CLYBL: variants seen among roughly 807,000 people sequenced by gnomAD.
CLYBL encodes the protein citramalyl-CoA lyase, mitochondrial.
In CLYBL, 31 loss-of-function variants were observed where a neutral mutation model predicts 38.9. That is an observed-to-expected ratio of 0.80 (90% confidence interval 0.60 to 1.08). CLYBL has a LOEUF of 1.08. Among genes scored for constraint, CLYBL ranks in the 50% least tolerant of loss-of-function variants. The probability of loss-of-function intolerance (pLI) is 0.00; values close to 1 mark genes in which losing one functional copy is unlikely to be tolerated. For synonymous variants in CLYBL, 171 were observed against 158.6 expected, an observed-to-expected ratio of 1.08 and a Z score of -0.59; for missense variants, 434 against 411.6, an observed-to-expected ratio of 1.05 and a Z score of -0.47.
intron 1 of CLYBL, among the ~76,000 whole-genome samples, chr13:99,715,056 C>G (rs1157524110): frequency 1.3e-5 from 2 of 152,174 alleles, no homozygotes; most frequent in Admixed American, 1.3e-4. Context: ...TGGGGGCCCA[C>G]CAGCTTCACC....
At chr13:99,675,020 G>T (rs1327744744) in intron 1 of CLYBL, among the ~76,000 whole-genome samples, 1 of 152,146 alleles carries the variant, frequency 6.6e-6, no homozygotes, top group African/African-American at 2.4e-5. Context: ...ATTCCAGTCT[G>T]GGCAACATAG....
intron 1 of CLYBL, among the ~76,000 whole-genome samples, chr13:99,765,785 T>TCCAC (rs927034064): frequency 1.3e-5 from 2 of 151,738 alleles, no homozygotes; most frequent in African/African-American, 4.8e-5. Flanking sequence ...GTTCAAGCAA[T>TCCAC]CCACCCGCCT....
chr13:99,614,344 A>G (rs562319627), intron 1 of CLYBL, among the ~76,000 whole-genome samples: 1 of 152,276 alleles, frequency 6.6e-6, no homozygotes, highest in South Asian at 2.1e-4. Context: ...GAGAAAAGAA[A>G]GAAGGAGACC....
exon 10 of CLYBL, among the ~76,000 whole-genome samples, chr13:99,909,050 C>T (rs2152140446): frequency 6.6e-6 from 1 of 152,322 alleles, no homozygotes; most frequent in Middle Eastern, 3.4e-3. Context: ...TCATGTCCAG[C>T]TCTTCCTTTA....
At chr13:99,761,689 T>C (rs2049168944) in intron 1 of CLYBL, among the ~76,000 whole-genome samples, 1 of 152,252 alleles carries the variant, frequency 6.6e-6, no homozygotes, top group Non-Finnish European at 1.5e-5. Context: ...TACTGAGTAG[T>C]AGAATTGCTG....
At chr13:99,653,750 T>C (rs894314061) in intron 1 of CLYBL, among the ~76,000 whole-genome samples, 1 of 152,226 alleles carries the variant, frequency 6.6e-6, no homozygotes. Flanking sequence ...CCCAGGACGC[T>C]GACAGTGTGG....
intron 1 of CLYBL, among the ~76,000 whole-genome samples, chr13:99,749,353 T>C (rs1007639340): frequency 6.6e-6 from 1 of 152,186 alleles, no homozygotes; most frequent in Non-Finnish European, 1.5e-5. Flanking sequence ...TTTTCTTGAC[T>C]CTTGCCAAGC....
At chr13:99,606,814 C>T (rs1344884454) in intron 1 of CLYBL, 57 bp downstream of exon 1, 3 of 1,321,128 alleles carry the variant, frequency 2.3e-6, no homozygotes, top group African/African-American at 1.5e-5. Context: ...GGGTCGGCTC[C>T]TGTTGCAGCC....
At chr13:99,745,724 G>A (rs563611234) in intron 1 of CLYBL, among the ~76,000 whole-genome samples, 3 of 152,218 alleles carry the variant, frequency 2.0e-5, no homozygotes, top group East Asian at 3.9e-4. Flanking sequence ...CACGTGATTC[G>A]TGATCACAGC....
intron 2 of CLYBL, among the ~76,000 whole-genome samples, chr13:99,794,888 A>G (rs937341305): frequency 1.3e-5 from 2 of 152,142 alleles, no homozygotes; most frequent in African/African-American, 4.8e-5. Flanking sequence ...CACCACACCC[A>G]GGCTAAATAC....
At chr13:99,873,394 G>T (rs2051958942) in intron 7 of CLYBL, among the ~76,000 whole-genome samples, 1 of 152,158 alleles carries the variant, frequency 6.6e-6, no homozygotes, top group African/African-American at 2.4e-5. Flanking sequence ...TATGTCAAAT[G>T]TGAATCACTG....
Position 99,865,119 on chromosome 13 carries a change from ATTAC to A in CLYBL, c.634+211_634+214del. On this transcript the variant is annotated intron_variant, in intron 5 of 8. Transcript: ENST00000339105. The surrounding 1 kb of genome is among the most constrained non-coding windows in gnomAD (Gnocchi z 4.7). ...TGCCCTGCTTCTAGAGCACTGCATT[ATTAC>A]TTCTGTTCATTTATAAAAGACACGA... 3.4e-6 allele frequency: 2 copies of A among 588,770 alleles called. No homozygotes were observed. The highest frequency in any genetic ancestry group is 3.2e-5 in the South Asian group (2 of 62,436). 36.5% of individuals were successfully genotyped at this position (588,770 alleles called of 1,614,324 possible). A position where few individuals can be genotyped will look rare whatever the true frequency, so the allele number is the denominator to read the frequency against.
rs1336113759 is a variant in CLYBL, at chr13:99,849,356, A to G, written c.250-9505A>G. On this transcript the variant is annotated intron_variant, in intron 2 of 8. Transcript: ENST00000339105. This position sits in a 1 kb window ranked among gnomAD's most constrained non-coding sequence, Gnocchi z 4.9. Reference sequence around the variant, plus strand: ...GTGAGACACTGTATCTACAAAAAATACAAATAATTATCTGGGTATGGTGGT... The same window carrying G: ...GTGAGACACTGTATCTACAAAAAATGCAAATAATTATCTGGGTATGGTGGT... Among the ~76,000 whole-genome samples the G allele has an allele frequency of 6.6e-6, 1 of 152,078 alleles. No individual in the cohort carries two copies. Among genetic ancestry groups the G allele is most frequent in the East Asian group, 1.9e-4 (1 of 5,174 alleles).
At chr13:99,676,189 C>CG (rs61193239) in intron 1 of CLYBL, among the ~76,000 whole-genome samples, 57 of 48,238 alleles carry the variant, frequency 1.2e-3, no homozygotes, top group East Asian at 7.7e-3. Context: ...TCCGTCCGTC[C>CG]TTCCTTCCTT....
intron 2 of CLYBL, among the ~76,000 whole-genome samples, chr13:99,791,071 G>T (rs1010339343): frequency 6.6e-6 from 1 of 152,154 alleles, no homozygotes; most frequent in Non-Finnish European, 1.5e-5. Flanking sequence ...GGGAATCTAA[G>T]TTAATATTCT....
intron 2 of CLYBL, among the ~76,000 whole-genome samples, chr13:99,855,187 T>C (rs2051430942): frequency 6.6e-6 from 1 of 152,134 alleles, no homozygotes; most frequent in Admixed American, 6.5e-5. Context: ...CATTCCACAG[T>C]GAGAATGGCT....
intron 1 of CLYBL, among the ~76,000 whole-genome samples, chr13:99,756,039 A>G (rs147737906): frequency 2.9e-4 from 44 of 152,326 alleles, no homozygotes; most frequent in Admixed American, 3.3e-4. Context: ...CACGTTTATT[A>G]TCTCACTGTG....
chr13:99,626,999 CG>C (rs2046879341), intron 1 of CLYBL, among the ~76,000 whole-genome samples: 1 of 150,342 alleles, frequency 6.7e-6, no homozygotes, highest in Non-Finnish European at 1.5e-5. Context: ...TTTCTGTCCA[CG>C]GAGTTCACAC....
chr13:99,842,826 G>C (rs899393882), intron 2 of CLYBL, among the ~76,000 whole-genome samples: 2 of 151,976 alleles, frequency 1.3e-5, no homozygotes, highest in African/African-American at 2.4e-5. Context: ...AGGATCCCTC[G>C]AGCCCAGGAG....
Sources: allele counts gnomAD v4.1 joint callset (sites outside exome capture counted in the v4.1 genomes callset), GRCh38; gene constraint gnomAD v4.1.1; non-coding constraint Gnocchi (gnomAD v3.1); transcripts MANE v1.5; gene names NCBI Gene and HGNC (gene_info 2026-07-23, HGNC 2026-07-21).